MTHFD1L: variants seen among roughly 807,000 people sequenced by gnomAD.
The protein encoded by MTHFD1L is methylenetetrahydrofolate dehydrogenase (NADP+ dependent) 1 like.
Under a neutral mutation model 119.5 loss-of-function variants are expected in MTHFD1L, and 81 were observed. The observed-to-expected ratio is 0.68, with a 90% CI of 0.57 to 0.82. The LOEUF (loss-of-function observed/expected upper bound fraction) is 0.82. MTHFD1L is among the 40% of genes least tolerant of loss of function. MTHFD1L has a pLI of 0.00. For missense variants in MTHFD1L, 1,125 were observed against 1,253.4 expected (o/e 0.90, Z 1.55); for synonymous variants, 430 against 475.2 (o/e 0.90, Z 1.24).
chr6:151,086,246 A>G (rs943364219), intron 26 of MTHFD1L, among the ~76,000 whole-genome samples: 8 of 151,782 alleles, frequency 5.3e-5, no homozygotes, highest in Non-Finnish European at 7.4e-5. Flanking sequence ...TAGCAGCACA[A>G]TCTATTTTCA....
chr6:151,036,499 T>C (rs1786186216), intron 25 of MTHFD1L, among the ~76,000 whole-genome samples: 6 of 152,296 alleles, frequency 3.9e-5, no homozygotes, highest in Admixed American at 3.3e-4. Context: ...TAATTGCAGA[T>C]CAAATAGCCA....
intron 8 of MTHFD1L, among the ~76,000 whole-genome samples, chr6:150,917,669 A>G (rs1359011421): frequency 6.6e-6 from 1 of 152,210 alleles, no homozygotes; most frequent in Non-Finnish European, 1.5e-5. Context: ...ACTACATACT[A>G]TATGCCAAGA....
chr6:151,060,846 T>C (rs969856115), intron 26 of MTHFD1L, among the ~76,000 whole-genome samples: 2 of 152,100 alleles, frequency 1.3e-5, no homozygotes, highest in African/African-American at 4.8e-5. Flanking sequence ...ATAATTACAT[T>C]CATGTTTCAG....
At chr6:151,059,545 C>A (rs778537211) in intron 26 of MTHFD1L, among the ~76,000 whole-genome samples, 3 of 152,226 alleles carry the variant, frequency 2.0e-5, no homozygotes, top group African/African-American at 4.8e-5. Flanking sequence ...GAAATGAGAA[C>A]TACCAAAGGA....
At chr6:150,903,765 C>G (rs952572999) in intron 7 of MTHFD1L, among the ~76,000 whole-genome samples, 17 of 152,122 alleles carry the variant, frequency 1.1e-4, no homozygotes, top group African/African-American at 4.1e-4. Flanking sequence ...TTTCTCTTTT[C>G]TTTTGAAGAT....
intron 26 of MTHFD1L, among the ~76,000 whole-genome samples, chr6:151,050,688 C>A (rs1418909873): frequency 1.3e-5 from 2 of 151,988 alleles, no homozygotes. Flanking sequence ...CGGAACTGAA[C>A]TGGAAGCCAC....
Position 150,956,208 on chromosome 6 carries a change from G to T in MTHFD1L, c.1803+137G>T, listed in dbSNP as rs181224976. On this transcript the variant is annotated intron_variant, in intron 17 of 27. Coordinates refer to ENST00000367321, the MANE Select transcript of MTHFD1L (RefSeq NM_015440.5). ...GTTCTCTCACTGTTTTGGGTGCTCA[G>T]CAGGGCTGGGAGAGGATCAGAAGAC... 4.8e-4 allele frequency: 375 copies of T among 775,950 alleles called. 2 individuals carry two copies. Among genetic ancestry groups the T allele is most frequent in the Non-Finnish European group, 6.9e-4 (316 of 455,802 alleles). 48.1% of individuals were successfully genotyped at this position (775,950 alleles called of 1,614,324 possible).
chr6:150,994,078 A>AAGGAAGGAAGGAAGGAAGGAAGG (rs1252305117), intron 20 of MTHFD1L, among the ~76,000 whole-genome samples: 10 of 118,102 alleles, frequency 8.5e-5, no homozygotes, highest in African/African-American at 4.6e-4. Flanking sequence ...AAAAAAAAAA[A>AAGGAAGGAAGGAAGGAAGGAAGG]AAGAAAGAAA....
intron 20 of MTHFD1L, among the ~76,000 whole-genome samples, chr6:150,994,095 A>AAGAAGAAAGAAAGAAAGAAAGAAAG (rs1554273941): frequency 7.0e-5 from 10 of 143,798 alleles, no homozygotes; most frequent in Non-Finnish European, 1.2e-4. Flanking sequence ...GAAAGAAAGA[A>AAGAAGAAAGAAAGAAAGAAAGAAAG]AGTGACCCAG....
chr6:150,981,462 AT>A (rs1381693112), intron 20 of MTHFD1L, among the ~76,000 whole-genome samples: 1 of 152,212 alleles, frequency 6.6e-6, no homozygotes, highest in African/African-American at 2.4e-5. Context: ...CTCATTGCAC[AT>A]TAGAATCACA....
At chr6:150,938,004 G>A (rs1359845190) in intron 12 of MTHFD1L, among the ~76,000 whole-genome samples, 1 of 151,952 alleles carries the variant, frequency 6.6e-6, no homozygotes, top group East Asian at 1.9e-4. Context: ...GTTATGCGGT[G>A]GTTTTTTTGT....
chr6:150,947,066 C>G (rs113891001), intron 15 of MTHFD1L, among the ~76,000 whole-genome samples: 49,444 of 142,562 alleles, frequency 0.35, 8,661 homozygotes, highest in South Asian at 0.52. Flanking sequence ...CAGAGCAAGA[C>G]TCCATCTCAA....
At chr6:151,069,050 T>A (rs1191949197) in intron 26 of MTHFD1L, among the ~76,000 whole-genome samples, 2 of 152,082 alleles carry the variant, frequency 1.3e-5, no homozygotes, top group African/African-American at 2.4e-5. Context: ...ACATCAATCA[T>A]AATTTGGAGC....
chr6:150,952,662 T>A (rs1365071620), intron 16 of MTHFD1L, among the ~76,000 whole-genome samples: 1 of 152,138 alleles, frequency 6.6e-6, no homozygotes, highest in Non-Finnish European at 1.5e-5. Flanking sequence ...CCCGAGTAGC[T>A]GGGACTACAG....
Position 150,914,476 on chromosome 6 carries a change from A to G in MTHFD1L, c.893-4101A>G, listed in dbSNP as rs148778943. On this transcript the variant is annotated intron_variant, in intron 8 of 27. Coordinates refer to ENST00000367321, the MANE Select transcript of MTHFD1L (RefSeq NM_015440.5). Reference sequence around the variant, plus strand: ...AGCTCAAGACCAGCTTGGGCAACATAGTGAGACCCCGTCTCTATAAAACAA... The same window carrying G: ...AGCTCAAGACCAGCTTGGGCAACATGGTGAGACCCCGTCTCTATAAAACAA... 1.0e-3 allele frequency among the ~76,000 whole-genome samples: 154 copies of G among 152,246 alleles called. 1 individual carries two copies. Among genetic ancestry groups the G allele is most frequent in the African/African-American group, 3.5e-3 (145 of 41,546 alleles).
chr6:150,882,664 A>AT (rs1781565045), intron 4 of MTHFD1L, 98 bp from the exon 5 acceptor site: 1 of 848,570 alleles, frequency 1.2e-6, no homozygotes. Flanking sequence ...ACTATAACAG[A>AT]TGCATTTTCA....
chr6:150,923,552 T>C (rs947109292), intron 10 of MTHFD1L, among the ~76,000 whole-genome samples: 4 of 138,138 alleles, frequency 2.9e-5, no homozygotes, highest in African/African-American at 1.1e-4. Context: ...TTCTTTTTTT[T>C]TTTTTTTTTT....
intron 8 of MTHFD1L, 63 bp downstream of exon 8, chr6:150,905,824 C>G: frequency 7.8e-7 from 1 of 1,278,344 alleles, no homozygotes; most frequent in Non-Finnish European, 1.1e-6. Context: ...GAAATGTTAA[C>G]CTTTTCCTAA....
intron 1 of MTHFD1L, among the ~76,000 whole-genome samples, chr6:150,870,948 CAT>C (rs1045256559): frequency 7.4e-5 from 10 of 134,794 alleles, no homozygotes; most frequent in Non-Finnish European, 1.1e-4. Flanking sequence ...ACCCAAAAAA[CAT>C]ATATATATAT....
Sources: gnomAD v4.1 joint callset for allele counts (sites outside exome capture counted in the v4.1 genomes callset) on GRCh38, gnomAD v4.1.1 for gene constraint, MANE v1.5 for transcripts, NCBI Gene and HGNC (gene_info 2026-07-23, HGNC 2026-07-21) for gene names.